GRID1: variants seen among roughly 807,000 people sequenced by gnomAD.
The protein encoded by GRID1 is glutamate ionotropic receptor delta type subunit 1.
GRID1 carries 28 observed loss-of-function variants against 98.0 expected under a neutral mutation model. The ratio of observed to expected loss-of-function variants is 0.29; its 90% CI spans 0.21 to 0.39. The LOEUF is 0.39. Ranked by LOEUF, GRID1 falls within the 10% of genes least tolerant of loss-of-function variation. The probability of loss-of-function intolerance (pLI) is 1.00; values close to 1 mark genes in which losing one functional copy is unlikely to be tolerated. For synonymous variants in GRID1, 553 were observed against 538.5 expected, an observed-to-expected ratio of 1.03 and a Z score of -0.37; for missense variants, 1,111 against 1,340.5, an observed-to-expected ratio of 0.83 and a Z score of 2.67.
At chr10:86,263,582 G>A (rs1160908508) in intron 2 of GRID1, among the ~76,000 whole-genome samples, 1 of 152,202 alleles carries the variant, frequency 6.6e-6, no homozygotes, top group African/African-American at 2.4e-5. Context: ...CACTGCCTGG[G>A]CTGGAATCCT....
intron 3 of GRID1, among the ~76,000 whole-genome samples, chr10:86,181,646 C>T (rs187090311): frequency 2.6e-3 from 389 of 152,204 alleles, no homozygotes; most frequent in Non-Finnish European, 4.5e-3. Flanking sequence ...TATGGACTTT[C>T]CCTAGAGAAA....
chr10:86,109,992 A>AG (rs1844454320), intron 4 of GRID1, among the ~76,000 whole-genome samples: 1 of 75,038 alleles, frequency 1.3e-5, no homozygotes, highest in Non-Finnish European at 2.7e-5. Flanking sequence ...TTTTTTTTTG[A>AG]GGGGGAGTCT....
chr10:85,878,185 G>A (rs923145187), intron 5 of GRID1, among the ~76,000 whole-genome samples: 1 of 152,162 alleles, frequency 6.6e-6, no homozygotes, highest in Non-Finnish European at 1.5e-5. Context: ...AACCAAGTTG[G>A]AAAACACCCT....
intron 3 of GRID1, among the ~76,000 whole-genome samples, chr10:86,161,828 A>C (rs532026481): frequency 4.6e-5 from 7 of 152,342 alleles, no homozygotes; most frequent in African/African-American, 1.7e-4. Flanking sequence ...GGAGGAATTG[A>C]TAACAACATC....
chr10:86,279,398 A>T (rs577599799), intron 2 of GRID1, among the ~76,000 whole-genome samples: 70 of 152,368 alleles, frequency 4.6e-4, no homozygotes, highest in African/African-American at 1.4e-3. Context: ...TAGCAAATCA[A>T]ATCCAACAAT....
At chr10:86,233,325 A>G (rs1052318105) in intron 2 of GRID1, among the ~76,000 whole-genome samples, 2 of 152,222 alleles carry the variant, frequency 1.3e-5, no homozygotes, top group Non-Finnish European at 2.9e-5. Context: ...AATTTCTATA[A>G]TCCAGAGGTG....
At chr10:86,227,267 G>A (rs1846366559) in intron 2 of GRID1, among the ~76,000 whole-genome samples, 1 of 152,214 alleles carries the variant, frequency 6.6e-6, no homozygotes, top group Non-Finnish European at 1.5e-5. Flanking sequence ...CCTCAAAGGG[G>A]CCCTTCTGGG....
chr10:86,156,309 G>C (rs1048626031), intron 3 of GRID1, among the ~76,000 whole-genome samples: 5 of 152,228 alleles, frequency 3.3e-5, no homozygotes, highest in South Asian at 4.1e-4. Context: ...TGCCATCCAT[G>C]CACCCTGTGC....
intron 4 of GRID1, among the ~76,000 whole-genome samples, chr10:85,946,210 T>G (rs559157726): frequency 6.6e-6 from 1 of 152,310 alleles, no homozygotes; most frequent in South Asian, 2.1e-4. Context: ...TCTCCCCATT[T>G]CATTACAAGG....
intron 8 of GRID1, among the ~76,000 whole-genome samples, chr10:85,754,809 G>A (rs1842080395): frequency 1.3e-5 from 2 of 152,146 alleles, no homozygotes; most frequent in Non-Finnish European, 2.9e-5. Flanking sequence ...CCTTGGGCAG[G>A]AAACTCTTTG....
intron 2 of GRID1, among the ~76,000 whole-genome samples, chr10:86,359,368 CA>C (rs1848573528): frequency 1.3e-5 from 2 of 152,296 alleles, no homozygotes; most frequent in South Asian, 4.2e-4. Context: ...GAGCCTCTAG[CA>C]GAATGTCTAG....
At chr10:85,876,066 GA>G (rs1311330250) in intron 5 of GRID1, among the ~76,000 whole-genome samples, 2 of 152,180 alleles carry the variant, frequency 1.3e-5, no homozygotes, top group African/African-American at 4.8e-5. Context: ...TTTTCTCTTA[GA>G]CATGGAAAGT....
intron 12 of GRID1, among the ~76,000 whole-genome samples, chr10:85,692,411 C>T (rs1841343042): frequency 6.6e-6 from 1 of 152,046 alleles, no homozygotes; most frequent in Non-Finnish European, 1.5e-5. Context: ...GCTACAGTCC[C>T]AGCACTTTGG....
chr10:85,794,331 C>A (rs139985453), intron 8 of GRID1, among the ~76,000 whole-genome samples: 3 of 152,244 alleles, frequency 2.0e-5, no homozygotes, highest in East Asian at 1.9e-4. Flanking sequence ...CAGCTATTTC[C>A]GTCCCTGAGA....
At chr10:85,979,950 C>A (rs957327430) in intron 4 of GRID1, among the ~76,000 whole-genome samples, 1 of 152,258 alleles carries the variant, frequency 6.6e-6, no homozygotes, top group Non-Finnish European at 1.5e-5. Flanking sequence ...CCAGGCTCCA[C>A]ACAGCAGCCA....
chr10:85,658,224 C>T (rs923672700), intron 12 of GRID1, among the ~76,000 whole-genome samples: 1 of 152,178 alleles, frequency 6.6e-6, no homozygotes, highest in African/African-American at 2.4e-5. Context: ...CTTTCCTTCC[C>T]TCTTCTCCTT....
intron 5 of GRID1, among the ~76,000 whole-genome samples, chr10:85,910,812 AG>A (rs1742956580): frequency 6.6e-6 from 1 of 152,240 alleles, no homozygotes; most frequent in South Asian, 2.1e-4. Context: ...CCAACACAGC[AG>A]AACTGGGGTG....
At chr10:86,044,888 G>C (rs975967569) in intron 4 of GRID1, among the ~76,000 whole-genome samples, 1 of 152,166 alleles carries the variant, frequency 6.6e-6, no homozygotes, top group African/African-American at 2.4e-5. Context: ...AAGGAGCCTT[G>C]GTGGAGCGCA....
chr10:85,663,564 T>G (rs1018975020), intron 12 of GRID1, among the ~76,000 whole-genome samples: 1 of 152,292 alleles, frequency 6.6e-6, no homozygotes, highest in African/African-American at 2.4e-5. Flanking sequence ...ACAGCCCCCA[T>G]GTGCCCTGAC....
Sources: allele counts gnomAD v4.1 joint callset (sites outside exome capture counted in the v4.1 genomes callset), GRCh38; gene constraint gnomAD v4.1.1; transcripts MANE v1.5; gene names NCBI Gene and HGNC (gene_info 2026-07-23, HGNC 2026-07-21).